The following GRXCR1 variants were observed in gnomAD, a reference collection of about 807,000 sequenced individuals.
GRXCR1 encodes glutaredoxin domain-containing cysteine-rich protein 1.
Under a neutral mutation model 27.3 loss-of-function variants are expected in GRXCR1, and 27 were observed. That is an observed-to-expected ratio of 0.99 (90% confidence interval 0.73 to 1.37). GRXCR1 has a LOEUF of 1.37. Among genes scored for constraint, GRXCR1 ranks in the 40% most tolerant of loss-of-function variants. The pLI, the probability that GRXCR1 is intolerant of heterozygous loss-of-function variation, is 0.00. For synonymous variants in GRXCR1, 122 were observed against 131.1 expected (o/e 0.93, Z 0.47); for missense variants, 379 against 354.4 (o/e 1.07, Z -0.56).
chr4:43,026,697 C>T (rs1443666179), intron 3 of GRXCR1, among the ~76,000 whole-genome samples: 2 of 152,124 alleles, frequency 1.3e-5, no homozygotes, highest in African/African-American at 4.8e-5. Flanking sequence ...CATAAAGAGA[C>T]CTCTTCAATA....
At chr4:43,009,141 T>C (rs2109801375) in intron 2 of GRXCR1, among the ~76,000 whole-genome samples, 1 of 152,320 alleles carries the variant, frequency 6.6e-6, no homozygotes, top group African/African-American at 2.4e-5. Context: ...CCAGGCTTTG[T>C]TCTTAATCCA....
rs144203711 is a variant in GRXCR1 at position 42,990,142 on chromosome 4, T to A, written c.627+27008T>A. ...TTTTGTAGAATACTTTTGATGTTCA[T>A]TGTGCAACTTCTTGAATTGAATTAT... On this transcript the variant is annotated intron_variant, in intron 2 of 3. Transcript: ENST00000399770. 1.8e-3 allele frequency among the ~76,000 whole-genome samples: 269 copies of A among 150,432 alleles called. 1 individual carries two copies. Among genetic ancestry groups the A allele is most frequent in the African/African-American group, 6.4e-3 (264 of 41,150 alleles).
chr4:42,987,261 A>AATAT lies in GRXCR1; in HGVS notation c.627+24141_627+24144dup, dbSNP rs1279529979. The stretch of plus-strand genomic sequence containing the variant: ...TATATAATATATAATATATATATAT[A>AATAT]ATATATATATATATATAGAGAGAGA... On this transcript the variant is annotated intron_variant, in intron 2 of 3. Coordinates refer to ENST00000399770, the MANE Select transcript of GRXCR1 (RefSeq NM_001080476.3). Among the ~76,000 whole-genome samples, 88 of 97,194 alleles carry AATAT rather than the reference A, an allele frequency of 9.1e-4. 1 individual carries two copies. The highest frequency in any genetic ancestry group is 5.9e-3 in the South Asian group (20 of 3,406). The allele number at this position is 97,194 out of a possible 152,430, so 63.8% of individuals were successfully genotyped here.
At chr4:42,904,836 C>T (rs1746549668) in intron 1 of GRXCR1, among the ~76,000 whole-genome samples, 1 of 152,050 alleles carries the variant, frequency 6.6e-6, no homozygotes, top group Admixed American at 6.6e-5. Flanking sequence ...ATGAGATACA[C>T]AAAACACATA....
intron 1 of GRXCR1, among the ~76,000 whole-genome samples, chr4:42,904,938 T>C (rs1339260787): frequency 1.3e-5 from 2 of 152,192 alleles, no homozygotes; most frequent in Non-Finnish European, 2.9e-5. Flanking sequence ...AGAGATTCTG[T>C]TCCTCTCAGA....
chr4:42,953,569 GCTGTCCTCACCTAGCCATA>G (rs1357522975), intron 1 of GRXCR1, among the ~76,000 whole-genome samples: 1 of 152,102 alleles, frequency 6.6e-6, no homozygotes, highest in Non-Finnish European at 1.5e-5. Context: ...GAACAGATGG[GCTGTCCTCACCTAGCCATA>G]GCCAAATTGC....
intron 1 of GRXCR1, among the ~76,000 whole-genome samples, chr4:42,910,784 G>A (rs1746706191): frequency 6.6e-6 from 1 of 152,018 alleles, no homozygotes; most frequent in Non-Finnish European, 1.5e-5. Flanking sequence ...TACCAATACA[G>A]GTATCCTAAA....
intron 1 of GRXCR1, among the ~76,000 whole-genome samples, chr4:42,895,825 GC>G (rs1746336544): frequency 6.6e-6 from 1 of 152,018 alleles, no homozygotes; most frequent in Admixed American, 6.6e-5. Flanking sequence ...GGGGCTAGAA[GC>G]AGAAGTTATT....
chr4:42,909,778 A>G (rs1258809489), intron 1 of GRXCR1, among the ~76,000 whole-genome samples: 1 of 152,164 alleles, frequency 6.6e-6, no homozygotes, highest in African/African-American at 2.4e-5. Flanking sequence ...AAAACAAACC[A>G]TGTTTCTCTG....
chr4:43,020,677 A>G (rs1263613560), intron 3 of GRXCR1, among the ~76,000 whole-genome samples: 1 of 152,224 alleles, frequency 6.6e-6, no homozygotes, highest in Non-Finnish European at 1.5e-5. Flanking sequence ...TCTCTGTAAT[A>G]CAGACGTTGA....
At chr4:42,906,660 T>C (rs566477160) in intron 1 of GRXCR1, among the ~76,000 whole-genome samples, 9 of 152,166 alleles carry the variant, frequency 5.9e-5, no homozygotes, top group Non-Finnish European at 8.8e-5. Context: ...AGCAAGCTTG[T>C]TTTTATTTTT....
chr4:42,945,759 G>A (rs578187129), intron 1 of GRXCR1, among the ~76,000 whole-genome samples: 2 of 152,258 alleles, frequency 1.3e-5, no homozygotes, highest in South Asian at 4.1e-4. Context: ...TAACCACGTA[G>A]TAAAGGATAA....
In GRXCR1 at chr4:43,020,377, G is replaced by A; in HGVS notation, c.651G>A (p.Met217Ile). The A allele has an allele frequency of 2.5e-6, 4 of 1,612,104 alleles. No individual in the cohort carries two copies. Among genetic ancestry groups the A allele is most frequent in the Non-Finnish European group, 3.4e-6 (4 of 1,178,298 alleles). Reference protein sequence around the residue: ...YLGGAEKILSMNESGELQDIL... With the variant: ...YLGGAEKILSINESGELQDIL... ...AGGGTGCTGAGAAAATTTTGTCAATGAATGAATCAGGAGAACTGCAAGACA... is the reference window on the plus strand; with the variant it reads ...AGGGTGCTGAGAAAATTTTGTCAATAAATGAATCAGGAGAACTGCAAGACA... The change falls in exon 3 of 4, where the codon ATG (methionine) becomes ATA (isoleucine). Residue 217 changes from methionine (M) to isoleucine (I), a missense_variant. Coordinates refer to ENST00000399770, the MANE Select transcript of GRXCR1 (RefSeq NM_001080476.3).
At chr4:42,977,657 TA>T (rs955811370) in intron 2 of GRXCR1, among the ~76,000 whole-genome samples, 31 of 151,920 alleles carry the variant, frequency 2.0e-4, no homozygotes, top group Middle Eastern at 3.4e-3. Flanking sequence ...TTAATGGAAT[TA>T]AAAAAAATTG....
At chr4:42,947,445 C>T (rs984978880) in intron 1 of GRXCR1, among the ~76,000 whole-genome samples, 2 of 152,112 alleles carry the variant, frequency 1.3e-5, no homozygotes, top group Non-Finnish European at 2.9e-5. Context: ...ATATCTATTG[C>T]ATAGTATGTT....
At position 42,928,434 on chromosome 4, in the gene GRXCR1, T is replaced by C. The variant is rs531383676; in HGVS notation, c.385-34458T>C. 7.9e-5 allele frequency among the ~76,000 whole-genome samples: 12 copies of C among 152,122 alleles called. No individual in the cohort carries two copies. In the South Asian group the frequency reaches 2.5e-3, roughly 32 times the overall value. On this transcript the variant is annotated intron_variant, in intron 1 of 3. Transcript: ENST00000399770. ...AGAGAGGTATTAGAGGCAATGGTCT[T>C]CTGCCTCCCCAGAGTAAGGTCCTGT...
At chr4:43,019,423 T>C (rs576546020) in intron 2 of GRXCR1, among the ~76,000 whole-genome samples, 1 of 152,340 alleles carries the variant, frequency 6.6e-6, no homozygotes, top group African/African-American at 2.4e-5. Flanking sequence ...ATTATATTTC[T>C]CCCTGTCTTG....
rs745784596 is a variant in GRXCR1 at position 42,990,173 on chromosome 4, C to CT, written c.627+27075dup. 2.1e-3 allele frequency among the ~76,000 whole-genome samples: 97 copies of CT among 46,230 alleles called. 37 individuals are homozygous for CT. Among genetic ancestry groups the CT allele is most frequent in the Non-Finnish European group, 2.8e-3 (74 of 26,052 alleles). The allele number at this position is 46,230 out of a possible 152,430, so 30.3% of individuals were successfully genotyped here. A position where few individuals can be genotyped will look rare whatever the true frequency, so the allele number is the denominator to read the frequency against. ...AACTTCTTGAATTGAATTATTAGTTCTTTTTTTTTTTTTTTTTTTTTTTTT... is the reference window on the plus strand; with the variant it reads ...AACTTCTTGAATTGAATTATTAGTTCTTTTTTTTTTTTTTTTTTTTTTTTTT... On this transcript the variant is annotated intron_variant, in intron 2 of 3. Coordinates refer to ENST00000399770, the MANE Select transcript of GRXCR1 (RefSeq NM_001080476.3).
rs544184765 is a variant in GRXCR1 at position 43,001,396 on chromosome 4, G to T, written c.628-18958G>T. Among the ~76,000 whole-genome samples, 13 of 152,154 alleles carry T rather than the reference G, an allele frequency of 8.5e-5. No individual in the cohort carries two copies. The East Asian group carries it at 2.3e-3, about 27-fold the overall frequency. On this transcript the variant is annotated intron_variant, in intron 2 of 3. Transcript: ENST00000399770. ...GTAGACTTTGCAGAAGGTCAAGCTCGCTCTCTTATTTGAGTTTTTGCCTCT... is the reference window on the plus strand; with the variant it reads ...GTAGACTTTGCAGAAGGTCAAGCTCTCTCTCTTATTTGAGTTTTTGCCTCT...
Sources: gnomAD v4.1 joint callset for allele counts (sites outside exome capture counted in the v4.1 genomes callset) on GRCh38, gnomAD v4.1.1 for gene constraint, MANE v1.5 for transcripts, NCBI Gene and HGNC (gene_info 2026-07-23, HGNC 2026-07-21) for gene names.